Variants in CACNB4 observed in about 807,000 individuals in gnomAD.
CACNB4 encodes the protein calcium voltage-gated channel auxiliary subunit beta 4.
CACNB4 carries 32 observed loss-of-function variants against 71.2 expected under a neutral mutation model. The observed-to-expected ratio is 0.45, with a 90% CI of 0.34 to 0.60. The LOEUF (loss-of-function observed/expected upper bound fraction) is 0.60, where lower values mean the gene tolerates loss of function less well. CACNB4 is among the 20% of genes least tolerant of loss of function. The pLI is 0.01. For missense variants in CACNB4, 464 were observed against 647.9 expected (o/e 0.72, Z 3.08); for synonymous variants, 231 against 236.9 (o/e 0.97, Z 0.23).
intron 10 of CACNB4, chr2:151,858,459 T>C (rs986029992): frequency 6.6e-6 from 1 of 152,234 alleles, no homozygotes; most frequent in African/African-American, 2.4e-5. Context: ...TTGAATACTA[T>C]AATAGCTTCT....
chr2:151,908,912 T>G (rs1158319577), intron 2 of CACNB4, among the ~76,000 whole-genome samples: 1 of 152,056 alleles, frequency 6.6e-6, no homozygotes, highest in Admixed American at 6.6e-5. Flanking sequence ...AAGCTGGTAT[T>G]TTAGATATTT....
intron 2 of CACNB4, among the ~76,000 whole-genome samples, chr2:151,996,838 G>A (rs1682070648): frequency 6.6e-6 from 1 of 152,094 alleles, no homozygotes; most frequent in Non-Finnish European, 1.5e-5. Context: ...GGCAGAGATG[G>A]AGTCACAGAA....
chr2:151,986,048 G>C (rs959154224), intron 2 of CACNB4, among the ~76,000 whole-genome samples: 1 of 152,144 alleles, frequency 6.6e-6, no homozygotes, highest in Non-Finnish European at 1.5e-5. Flanking sequence ...ATATCTGGTG[G>C]ATGAAAAAGC....
Position 151,878,584 on chromosome 2 carries a change from T to TCACACACACAC in CACNB4, c.391-2029_391-2028insGTGTGTGTGTG, listed in dbSNP as rs1381700918. ...ACACACACACACACACACACACAGTTAGCTGGGTATAGTAGTGCACCTGTA... is the reference window on the plus strand; with the variant it reads ...ACACACACACACACACACACACAGTTCACACACACACAGCTGGGTATAGTAGTGCACCTGTA... On this transcript the variant is annotated intron_variant, in intron 4 of 13. Transcript: ENST00000539935. 2.3e-3 allele frequency among the ~76,000 whole-genome samples: 67 copies of TCACACACACAC among 28,722 alleles called. 1 individual carries two copies. The highest frequency in any genetic ancestry group is 0.016 in the Admixed American group (38 of 2,312). 18.8% of individuals were successfully genotyped at this position (28,722 alleles called of 152,430 possible).
intron 2 of CACNB4, among the ~76,000 whole-genome samples, chr2:152,051,057 T>C (rs1685402708): frequency 1.3e-5 from 2 of 151,980 alleles, no homozygotes; most frequent in Non-Finnish European, 2.9e-5. Context: ...TGTGAGCCGC[T>C]GGGCCCAGCC....
At chr2:151,985,233 C>T (rs1014452965) in intron 2 of CACNB4, among the ~76,000 whole-genome samples, 4 of 152,114 alleles carry the variant, frequency 2.6e-5, no homozygotes, top group Non-Finnish European at 4.4e-5. Flanking sequence ...ATTTGTTTTA[C>T]ATCTAGAATA....
chr2:152,071,243 TACAGA>T (rs1398555117), intron 2 of CACNB4, among the ~76,000 whole-genome samples: 7 of 152,156 alleles, frequency 4.6e-5, no homozygotes, highest in Middle Eastern at 3.2e-3. Context: ...GGGGGAAAAA[TACAGA>T]AACCTTGTTA....
chr2:152,090,771 C>A (rs762070613), intron 2 of CACNB4, among the ~76,000 whole-genome samples: 10 of 152,136 alleles, frequency 6.6e-5, no homozygotes, highest in Non-Finnish European at 1.3e-4. Flanking sequence ...TAGGGTTGGG[C>A]ATGATGGCTC....
chr2:151,957,134 C>T (rs1176579406), intron 2 of CACNB4, among the ~76,000 whole-genome samples: 1 of 152,024 alleles, frequency 6.6e-6, no homozygotes, highest in Non-Finnish European at 1.5e-5. Context: ...GCCTGGGCAA[C>T]AGAGTCAGAC....
intron 2 of CACNB4, among the ~76,000 whole-genome samples, chr2:151,907,910 G>A (rs2099855200): frequency 6.6e-6 from 1 of 152,214 alleles, no homozygotes; most frequent in Non-Finnish European, 1.5e-5. Flanking sequence ...CTGAGGTAGA[G>A]TAGAGATCAT....
intron 2 of CACNB4, among the ~76,000 whole-genome samples, chr2:151,924,510 T>C (rs1486991281): frequency 6.6e-6 from 1 of 151,368 alleles, no homozygotes; most frequent in African/African-American, 2.4e-5. Flanking sequence ...GCATACTGAG[T>C]AGCTGGGACT....
At chr2:151,870,672 C>A in intron 7 of CACNB4, 61 bp from the exon 8 acceptor site, 1 of 1,372,226 alleles carries the variant, frequency 7.3e-7, no homozygotes, top group Non-Finnish European at 1.0e-6. Flanking sequence ...TCCACAGCCA[C>A]AACATTCATA....
intron 2 of CACNB4, among the ~76,000 whole-genome samples, chr2:152,043,539 C>G (rs547784104): frequency 6.6e-6 from 1 of 152,268 alleles, no homozygotes; most frequent in African/African-American, 2.4e-5. Flanking sequence ...AGGCTGGTCT[C>G]AAACTCCTGG....
At chr2:151,908,924 C>T (rs550583142) in intron 2 of CACNB4, among the ~76,000 whole-genome samples, 2 of 151,624 alleles carry the variant, frequency 1.3e-5, no homozygotes, top group African/African-American at 2.4e-5. Flanking sequence ...TAGATATTTC[C>T]GCATTTTCTT....
intron 12 of CACNB4, 150 bp from the exon 13 acceptor site, chr2:151,842,238 G>C (rs1166063596): frequency 2.7e-5 from 16 of 603,110 alleles, no homozygotes. Flanking sequence ...TAAAGTTAGG[G>C]TCAAGTGAAG....
intron 12 of CACNB4, among the ~76,000 whole-genome samples, chr2:151,845,644 C>T (rs2099837372): frequency 6.6e-6 from 1 of 152,218 alleles, no homozygotes; most frequent in South Asian, 2.1e-4. Flanking sequence ...GCAGAGAGCT[C>T]CTAATCAGCA....
chr2:151,847,388 T>TCCCAGCACTTTGGGAG (rs1559858050), intron 12 of CACNB4, among the ~76,000 whole-genome samples: 1 of 151,706 alleles, frequency 6.6e-6, no homozygotes, highest in African/African-American at 2.4e-5. Context: ...AAACAAACCA[T>TCCCAGCACTTTGGGAG]GCACAAAAAA....
At chr2:151,981,712 A>T (rs375047896) in intron 2 of CACNB4, among the ~76,000 whole-genome samples, 1 of 152,150 alleles carries the variant, frequency 6.6e-6, no homozygotes, top group African/African-American at 2.4e-5. Flanking sequence ...CCCTCTTTTG[A>T]TGCAGTGCCT....
chr2:151,916,954 T>C (rs973286441), intron 2 of CACNB4, among the ~76,000 whole-genome samples: 12 of 152,362 alleles, frequency 7.9e-5, no homozygotes, highest in African/African-American at 2.9e-4. Context: ...ATGTCAGCGG[T>C]GCCAAAGTTC....
Sources: gnomAD v4.1 joint callset for allele counts (sites outside exome capture counted in the v4.1 genomes callset) on GRCh38, gnomAD v4.1.1 for gene constraint, MANE v1.5 for transcripts, NCBI Gene and HGNC (gene_info 2026-07-23, HGNC 2026-07-21) for gene names.